The following ATP10A variants were observed in gnomAD, a reference collection of about 807,000 sequenced individuals.
ATP10A encodes the protein phospholipid-transporting ATPase VA.
A neutral mutation model predicts 147.8 loss-of-function variants in ATP10A; 111 were observed. That is an observed-to-expected ratio of 0.75 (90% CI 0.64 to 0.88). ATP10A has a LOEUF of 0.88. Ranked by LOEUF, ATP10A falls within the 40% of genes least tolerant of loss-of-function variation. ATP10A has a pLI of 0.00. For synonymous variants in ATP10A, 875 were observed against 841.6 expected (o/e 1.04, Z -0.69); for missense variants, 1,927 against 1,959.0 (o/e 0.98, Z 0.31).
At chr15:25,734,623 C>T (rs796914726) in intron 3 of ATP10A, among the ~76,000 whole-genome samples, 17 of 152,146 alleles carry the variant, frequency 1.1e-4, no homozygotes, top group African/African-American at 2.9e-4. Flanking sequence ...CCACAGCACA[C>T]GGGTTGTGCT....
intron 1 of ATP10A, among the ~76,000 whole-genome samples, chr15:25,839,253 C>T (rs1285512093): frequency 6.6e-6 from 1 of 152,268 alleles, no homozygotes; most frequent in Admixed American, 6.5e-5. Flanking sequence ...TGTAATTATC[C>T]AAATTGCTCA....
intron 15 of ATP10A, among the ~76,000 whole-genome samples, chr15:25,690,357 C>T (rs145714077): frequency 1.5e-4 from 23 of 152,234 alleles, no homozygotes; most frequent in African/African-American, 4.8e-4. Context: ...GATCTTCCTG[C>T]CTCAGCCCCC....
chr15:25,725,506 T>A (rs561716042), intron 5 of ATP10A, among the ~76,000 whole-genome samples: 3 of 152,312 alleles, frequency 2.0e-5, no homozygotes, highest in East Asian at 3.9e-4. Context: ...CGTTTCCATG[T>A]GGCCTGTGCT....
At chr15:25,765,621 C>T (rs1888978222) in intron 2 of ATP10A, among the ~76,000 whole-genome samples, 1 of 152,198 alleles carries the variant, frequency 6.6e-6, no homozygotes, top group Non-Finnish European at 1.5e-5. Context: ...CTTCCTCCTT[C>T]CCAGAGCTCG....
chr15:25,823,710 T>C (rs1322606181), intron 1 of ATP10A, among the ~76,000 whole-genome samples: 2 of 152,230 alleles, frequency 1.3e-5, no homozygotes, highest in African/African-American at 4.8e-5. Context: ...TTTCATAGCA[T>C]AACATTGCCC....
intron 10 of ATP10A, among the ~76,000 whole-genome samples, chr15:25,712,112 C>T (rs939583732): frequency 6.6e-6 from 1 of 152,074 alleles, no homozygotes; most frequent in Non-Finnish European, 1.5e-5. Context: ...GTGAGCAGGT[C>T]GTGACGCTAA....
At chr15:25,790,931 G>T (rs1350071704) in intron 1 of ATP10A, among the ~76,000 whole-genome samples, 1 of 152,092 alleles carries the variant, frequency 6.6e-6, no homozygotes, top group East Asian at 1.9e-4. Context: ...CCGGAGTTGT[G>T]CGCTCCTTAT....
intron 15 of ATP10A, 147 bp from the exon 16 acceptor site, chr15:25,687,975 C>T: frequency 9.7e-7 from 1 of 1,034,370 alleles, no homozygotes; most frequent in Non-Finnish European, 1.5e-6. Context: ...GTCTCCATCG[C>T]TGTCGTCTCC....
rs1370014013 is a variant in ATP10A, at chr15:25,693,261, G to C, written c.3089-1470C>G. ...TGGTCTCAAACTCCCGGGCTCAAGT[G>C]ATCTTCCTGCCTTGGCCTCCCAAAC... is the stretch of plus-strand genomic sequence containing the variant. On this transcript the variant is annotated intron_variant, in intron 14 of 20. Transcript: ENST00000555815. Among the ~76,000 whole-genome samples the C allele has an allele frequency of 1.3e-5, 2 of 152,170 alleles. 1 individual carries two copies. The highest frequency in any genetic ancestry group is 6.3e-3 in the Middle Eastern group (2 of 316).
intron 1 of ATP10A, among the ~76,000 whole-genome samples, chr15:25,850,613 C>A (rs57341872): frequency 0.085 from 12,772 of 150,268 alleles, 620 homozygotes; most frequent in South Asian, 0.17. Context: ...GGCAGCGGAC[C>A]CAGCGCTGCT....
intron 1 of ATP10A, among the ~76,000 whole-genome samples, chr15:25,823,850 C>G (rs1037238404): frequency 6.6e-6 from 1 of 152,222 alleles, no homozygotes; most frequent in Admixed American, 6.5e-5. Context: ...TAGCTACTTA[C>G]TTTCCTATGC....
Position 25,690,098 on chromosome 15 carries a change from A to G in ATP10A, c.3165+1617T>C, listed in dbSNP as rs186284840. Among the ~76,000 whole-genome samples the G allele has an allele frequency of 1.7e-3, 253 of 152,330 alleles. 1 individual carries two copies. The highest frequency in any genetic ancestry group is 5.7e-3 in the African/African-American group (235 of 41,568). On this transcript the variant is annotated intron_variant, in intron 15 of 20. Transcript: ENST00000555815. ...CCACATACAATTTCTGACTCCCTCA[A>G]AACTTAACTACTAATAGCCTACGGT...
chr15:25,859,922 G>A (rs1017541893), intron 1 of ATP10A, among the ~76,000 whole-genome samples: 1 of 152,116 alleles, frequency 6.6e-6, no homozygotes, highest in African/African-American at 2.4e-5. Flanking sequence ...TACTCTGCGT[G>A]AACAATGTGT....
intron 1 of ATP10A, among the ~76,000 whole-genome samples, chr15:25,797,453 C>G (rs1298209534): frequency 6.6e-6 from 1 of 152,214 alleles, no homozygotes; most frequent in Non-Finnish European, 1.5e-5. Flanking sequence ...TGCCCCCACC[C>G]CACCCTTTCA....
At chr15:25,719,098 G>A (rs1013348445) in intron 7 of ATP10A, among the ~76,000 whole-genome samples, 5 of 152,208 alleles carry the variant, frequency 3.3e-5, no homozygotes, top group African/African-American at 9.6e-5. Context: ...TTTGCCCAGG[G>A]AGGACAGCTT....
intron 12 of ATP10A, among the ~76,000 whole-genome samples, chr15:25,704,032 C>A (rs1386929245): frequency 6.6e-6 from 1 of 151,724 alleles, no homozygotes; most frequent in African/African-American, 2.4e-5. Context: ...TGAGCACATC[C>A]CCAGCCACCC....
In ATP10A at chr15:25,734,426, G is replaced by A. The variant is rs576733880; in HGVS notation, c.740+1630C>T. On this transcript the variant is annotated intron_variant, in intron 3 of 20. Transcript: ENST00000555815. ...TGAACATTCTCCAGAGATTGCCCTC[G>A]CCCCACCCTTCACAATCATTGTTTC... 3.9e-5 allele frequency among the ~76,000 whole-genome samples: 6 copies of A among 152,250 alleles called. No individual in the cohort carries two copies. The South Asian group carries it at 6.2e-4, about 16-fold the overall frequency.
intron 2 of ATP10A, among the ~76,000 whole-genome samples, chr15:25,763,820 C>T (rs868839509): frequency 6.6e-6 from 1 of 152,182 alleles, no homozygotes; most frequent in East Asian, 1.9e-4. Context: ...AAAATTATAT[C>T]TATAGGAGAA....
At chr15:25,789,425 A>G (rs1596890009) in intron 1 of ATP10A, among the ~76,000 whole-genome samples, 1 of 152,224 alleles carries the variant, frequency 6.6e-6, no homozygotes, top group South Asian at 2.1e-4. Flanking sequence ...ACCAGGACAC[A>G]GTGAGGCGAG....
Sources: gnomAD v4.1 joint callset for allele counts (sites outside exome capture counted in the v4.1 genomes callset) on GRCh38, gnomAD v4.1.1 for gene constraint, MANE v1.5 for transcripts, NCBI Gene and HGNC (gene_info 2026-07-23, HGNC 2026-07-21) for gene names.